Variants in ZFHX3 observed in about 807,000 individuals in gnomAD.
ZFHX3 encodes zinc finger homeobox protein 3.
A neutral mutation model predicts 279.1 loss-of-function variants in ZFHX3; 42 were observed. The ratio of observed to expected loss-of-function variants is 0.15; its 90% CI spans 0.12 to 0.19. The LOEUF (loss-of-function observed/expected upper bound fraction) is 0.19, where lower values mean the gene tolerates loss of function less well. ZFHX3 is among the 10% of genes least tolerant of loss of function. The pLI is 1.00. For synonymous variants in ZFHX3, 2,293 were observed against 1,957.8 expected (o/e 1.17, Z -4.52); for missense variants, 4,981 against 4,754.0 (o/e 1.05, Z -1.40).
chr16:73,620,460 G>A (rs2052347487), intron 2 of ZFHX3, among the ~76,000 whole-genome samples: 1 of 152,338 alleles, frequency 6.6e-6, no homozygotes, highest in South Asian at 2.1e-4. Context: ...AGCTTCAGTG[G>A]CTGTCAGGGG....
Position 73,568,157 on chromosome 16 carries a change from T to A in ZFHX3, c.-1546-111899A>T, listed in dbSNP as rs1036970709. Reference sequence around the variant, plus strand: ...TCCTTCTCCCCCGTCTCCCTTTGTTTTTAAGTTACTAAATTCCTTTACGTT... The same window carrying A: ...TCCTTCTCCCCCGTCTCCCTTTGTTATTAAGTTACTAAATTCCTTTACGTT... On this transcript the variant is annotated intron_variant, in intron 2 of 17. Coordinates refer to the ZFHX3 transcript ENST00000641206. Among the ~76,000 whole-genome samples, 5 of 152,194 alleles carry A rather than the reference T, an allele frequency of 3.3e-5. No homozygotes were observed. In the South Asian group the frequency reaches 6.2e-4, roughly 19 times the overall value.
intron 8 of ZFHX3, chr16:73,092,367 T>C (rs1567661000): frequency 6.6e-6 from 1 of 152,374 alleles, no homozygotes; most frequent in Non-Finnish European, 1.5e-5. Flanking sequence ...GACAGCCTGG[T>C]GAGGCCCAGA....
intron 3 of ZFHX3, among the ~76,000 whole-genome samples, chr16:73,408,746 T>C (rs971191817): frequency 5.3e-5 from 8 of 152,080 alleles, no homozygotes; most frequent in Admixed American, 1.3e-4. Context: ...CAGATGCTGC[T>C]GTGTGCCAGG....
rs574272314 is a variant in ZFHX3, at chr16:73,649,198, T to C, written c.-1547+30982A>G. ...GTTCCATAGGCAAGTAATGAGTTACTGCATAATATTAGAAAATAGTGAGGA... is the reference window on the plus strand; with the variant it reads ...GTTCCATAGGCAAGTAATGAGTTACCGCATAATATTAGAAAATAGTGAGGA... On this transcript the variant is annotated intron_variant, in intron 2 of 17. Coordinates refer to the ZFHX3 transcript ENST00000641206. Among the ~76,000 whole-genome samples the C allele has an allele frequency of 2.6e-5, 4 of 152,342 alleles. No individual in the cohort carries two copies. The South Asian group carries it at 6.2e-4, about 24-fold the overall frequency.
At chr16:73,004,469 C>T (rs1229118583) in intron 1 of ZFHX3, among the ~76,000 whole-genome samples, 1 of 151,686 alleles carries the variant, frequency 6.6e-6, no homozygotes, top group East Asian at 1.9e-4. Flanking sequence ...GCTGGGATTA[C>T]AGATGCCCAC....
At chr16:73,316,351 T>G (rs1161669413) in intron 4 of ZFHX3, among the ~76,000 whole-genome samples, 3 of 152,162 alleles carry the variant, frequency 2.0e-5, no homozygotes, top group Admixed American at 6.5e-5. Flanking sequence ...TTTCTTGCAG[T>G]GGCAGCCCCT....
intron 5 of ZFHX3, among the ~76,000 whole-genome samples, chr16:73,193,765 T>G (rs368362762): frequency 1.1e-4 from 17 of 152,178 alleles, no homozygotes; most frequent in Non-Finnish European, 2.2e-4. Context: ...TTCCCTCCTA[T>G]GTCCTTGGGA....
At chr16:73,438,034 TA>T (rs1479944228) in intron 3 of ZFHX3, among the ~76,000 whole-genome samples, 1 of 152,128 alleles carries the variant, frequency 6.6e-6, no homozygotes, top group African/African-American at 2.4e-5. Context: ...GGTGTTCTAA[TA>T]GAGTTTGATT....
intron 1 of ZFHX3, among the ~76,000 whole-genome samples, chr16:73,770,409 A>G (rs2054004680): frequency 6.6e-6 from 1 of 152,234 alleles, no homozygotes; most frequent in Non-Finnish European, 1.5e-5. Context: ...TAAAGTCCAG[A>G]ACTATATAAA....
intron 1 of ZFHX3, among the ~76,000 whole-genome samples, chr16:73,034,966 G>T (rs1020189507): frequency 8.5e-5 from 13 of 152,194 alleles, no homozygotes; most frequent in African/African-American, 3.1e-4. Flanking sequence ...TGGTCACAGG[G>T]GTGATGGCTG....
chr16:73,703,822 G>A (rs1272535018), intron 1 of ZFHX3, among the ~76,000 whole-genome samples: 2 of 152,148 alleles, frequency 1.3e-5, no homozygotes, highest in African/African-American at 4.8e-5. Flanking sequence ...CTTCACTGTG[G>A]TACGTTTTTG....
chr16:73,274,093 G>A (rs2014229106), intron 4 of ZFHX3, among the ~76,000 whole-genome samples: 1 of 152,110 alleles, frequency 6.6e-6, no homozygotes, highest in Non-Finnish European at 1.5e-5. Context: ...GCAGTGAGCT[G>A]AGATCACACC....
intron 3 of ZFHX3, among the ~76,000 whole-genome samples, chr16:73,343,219 A>T (rs571559356): frequency 6.6e-6 from 1 of 152,266 alleles, no homozygotes; most frequent in East Asian, 1.9e-4. Context: ...TGTTTCATAT[A>T]TATGTGTGTG....
intron 5 of ZFHX3, among the ~76,000 whole-genome samples, chr16:73,152,383 C>A (rs1438273814): frequency 6.6e-6 from 1 of 151,956 alleles, no homozygotes; most frequent in Non-Finnish European, 1.5e-5. Context: ...ATGTTTAAAT[C>A]CATATTAAGT....
chr16:73,724,579 C>T (rs185712925), intron 1 of ZFHX3, among the ~76,000 whole-genome samples: 3 of 152,234 alleles, frequency 2.0e-5, no homozygotes, highest in African/African-American at 7.2e-5. Flanking sequence ...AGTTTGGTAC[C>T]CTTCTGAGAA....
chr16:73,152,083 AT>A (rs954903527), intron 5 of ZFHX3, among the ~76,000 whole-genome samples: 2 of 151,992 alleles, frequency 1.3e-5, no homozygotes, highest in African/African-American at 4.8e-5. Flanking sequence ...CCAACAAGAT[AT>A]TTTCAGTACA....
intron 5 of ZFHX3, among the ~76,000 whole-genome samples, chr16:72,824,349 C>G (rs2143691284): frequency 6.6e-6 from 1 of 152,252 alleles, no homozygotes; most frequent in African/African-American, 2.4e-5. Context: ...AGGGACGCTC[C>G]ACTGCACTAA....
intron 4 of ZFHX3, among the ~76,000 whole-genome samples, chr16:73,299,495 C>T (rs1414795116): frequency 2.0e-5 from 3 of 152,114 alleles, no homozygotes; most frequent in Non-Finnish European, 4.4e-5. Flanking sequence ...CCATCGCTGC[C>T]ACCGCTGATT....
chr16:73,310,521 A>G (rs1322721795), intron 4 of ZFHX3, among the ~76,000 whole-genome samples: 1 of 152,130 alleles, frequency 6.6e-6, no homozygotes, highest in East Asian at 1.9e-4. Context: ...AGGGAAATTT[A>G]GTAATGTCCA....
Sources: allele counts gnomAD v4.1 joint callset (sites outside exome capture counted in the v4.1 genomes callset), GRCh38; gene constraint gnomAD v4.1.1; transcripts MANE v1.5; gene names NCBI Gene and HGNC (gene_info 2026-07-23, HGNC 2026-07-21).